NDRG2: variants seen among roughly 807,000 people sequenced by gnomAD.
NDRG2 encodes the protein NDRG family member 2, also known as protein NDRG2.
Under a neutral mutation model 58.2 loss-of-function variants are expected in NDRG2, and 34 were observed. The observed-to-expected ratio is 0.58, with a 90% CI of 0.44 to 0.78. The LOEUF is 0.78. NDRG2 is among the 30% of genes least tolerant of loss of function. NDRG2 has a pLI of 0.00. For missense variants in NDRG2, 434 were observed against 471.2 expected, an observed-to-expected ratio of 0.92 and a Z score of 0.73; for synonymous variants, 187 against 175.9, an observed-to-expected ratio of 1.06 and a Z score of -0.50.
chr14:21,016,982 GCCCCT>G lies in NDRG2; in HGVS notation c.*609_*613del, dbSNP rs1447482305. On this transcript the variant is annotated 3_prime_UTR_variant, in exon 16 of 16. Coordinates refer to ENST00000556147, the MANE Select transcript of NDRG2 (RefSeq NM_001320329.2). ...AGTTAGTGCAGCCAAACGGCCCCAG[GCCCCT>G]TCCTGTTGCCCCAGCACCAATCCTT... 10 of 456,352 alleles carry G rather than the reference GCCCCT, an allele frequency of 2.2e-5. No homozygotes were observed. Among genetic ancestry groups the G allele is most frequent in the Non-Finnish European group, 4.4e-5 (10 of 226,804 alleles). The allele number at this position is 456,352 out of a possible 1,614,324, so 28.3% of individuals were successfully genotyped here.
intron 1 of NDRG2, among the ~76,000 whole-genome samples, chr14:21,037,226 C>T (rs1355829865): frequency 6.6e-6 from 1 of 152,234 alleles, no homozygotes; most frequent in Non-Finnish European, 1.5e-5. Flanking sequence ...GATGAGCCTT[C>T]GGCTTCCCAA....
At position 21,017,690 on chromosome 14, in the gene NDRG2, C is replaced by T. The variant is rs1341697987; in HGVS notation, c.1022G>A (p.Gly341Asp). ...ASLTSAASVD[G>D]NRSRSRTLSQ... is the part of the protein sequence containing the mutation. ...CAGGGTGCGAGAGCGGGACCGGTTG[C>T]CATCAACGGATGCTGCACTGGTCAG... The change falls in exon 16 of 16, where the codon GGC becomes GAC. Residue 341 changes from glycine (G) to aspartate (D), a missense_variant. Gly to Asp is a moderately conservative substitution (Grantham distance 94, BLOSUM62 -1). Coordinates refer to ENST00000556147, the MANE Select transcript of NDRG2 (RefSeq NM_001320329.2). 6.2e-7 allele frequency: 1 copy of T among 1,609,486 alleles called. No individual in the cohort carries two copies. Among genetic ancestry groups the T allele is most frequent in the Non-Finnish European group, 8.5e-7 (1 of 1,177,872 alleles).
chr14:21,023,413 C>A, intron 1 of NDRG2, 92 bp from the exon 2 acceptor site: 1 of 1,201,206 alleles, frequency 8.3e-7, no homozygotes, highest in Non-Finnish European at 1.2e-6. Flanking sequence ...CAGGAAGATG[C>A]AGGGAACAGA....
chr14:21,057,905 A>G, intron 1 of NDRG2: 1 of 1,613,886 alleles, frequency 6.2e-7, no homozygotes, highest in Non-Finnish European at 8.5e-7. Context: ...GGCACCGGCC[A>G]GAGCAGGATG....
In NDRG2 at chr14:21,016,995, G is replaced by A; in HGVS notation, c.*601C>T. 2.2e-6 allele frequency: 1 copy of A among 456,392 alleles called. No individual in the cohort carries two copies. Among genetic ancestry groups the A allele is most frequent in the South Asian group, 1.5e-5 (1 of 64,564 alleles). 28.3% of individuals were successfully genotyped at this position (456,392 alleles called of 1,614,324 possible). A position where few individuals can be genotyped will look rare whatever the true frequency, so the allele number is the denominator to read the frequency against. On this transcript the variant is annotated 3_prime_UTR_variant, in exon 16 of 16. Transcript: ENST00000556147. ...AAACGGCCCCAGGCCCCTTCCTGTT[G>A]CCCCAGCACCAATCCTTCCCCACAC...
At chr14:21,035,809 A>C (rs1326108019) in intron 1 of NDRG2, 4 of 456,134 alleles carry the variant, frequency 8.8e-6, no homozygotes, top group Non-Finnish European at 1.8e-5. Flanking sequence ...CTGGTTACCT[A>C]TGCAAGAAAC....
chr14:21,044,995 A>G (rs763590890), intron 1 of NDRG2, among the ~76,000 whole-genome samples: 2 of 152,216 alleles, frequency 1.3e-5, no homozygotes, highest in Non-Finnish European at 2.9e-5. Flanking sequence ...GAGGAATCCT[A>G]CCTGCCAAAT....
At chr14:21,027,862 A>G (rs1952524), upstream of NDRG2, among the ~76,000 whole-genome samples, 47,135 of 152,030 alleles carry the variant, frequency 0.31, 7,703 homozygotes, top group African/African-American at 0.39. Context: ...CAACCATGGA[A>G]TACTTGAGTG....
At chr14:21,064,308 T>TA (rs202158384) in intron 1 of NDRG2, among the ~76,000 whole-genome samples, 2,622 of 152,160 alleles carry the variant, frequency 0.017, 92 homozygotes, top group African/African-American at 0.06. Context: ...CCTTTTTTTT[T>TA]TTATTATTTT....
At chr14:21,020,380 C>A (rs951272634) in intron 8 of NDRG2, 116 bp downstream of exon 8, 1 of 780,160 alleles carries the variant, frequency 1.3e-6, no homozygotes, top group East Asian at 2.7e-5. Flanking sequence ...TTTCCTGCCC[C>A]TTTACTCCCT....
Position 21,033,883 on chromosome 14 carries a change from G to C in NDRG2, c.25-10562C>G, listed in dbSNP as rs753104359. The C allele has an allele frequency of 1.2e-6, 2 of 1,614,102 alleles. No homozygotes were observed. The highest frequency in any genetic ancestry group is 1.7e-6 in the Non-Finnish European group (2 of 1,179,976). On this transcript the variant is annotated intron_variant, in intron 1 of 14. Coordinates refer to the NDRG2 transcript ENST00000403829. ...GCTTCATACTTGCGGGAGCAGAGTA[G>C]GTAGAGCTTCTGGTTGGTTAGGGTG...
At position 21,070,119 on chromosome 14, in the gene NDRG2, G is replaced by A. The variant is rs1886568582; in HGVS notation, c.24+709C>T. ...CGGGACGGATAGGCTGGGGACGCCC[G>A]GGGAACGGCAGAGATCTCGGCGCGG... On this transcript the variant is annotated intron_variant, in intron 1 of 14. Transcript: ENST00000403829. This position sits in a 1 kb window ranked among gnomAD's most constrained non-coding sequence, Gnocchi z 4.7. Among the ~76,000 whole-genome samples the A allele has an allele frequency of 6.6e-6, 1 of 152,032 alleles. No homozygotes were observed. The highest frequency in any genetic ancestry group is 6.5e-5 in the Admixed American group (1 of 15,286).
At chr14:21,053,081 G>C (rs139945982) in intron 1 of NDRG2, among the ~76,000 whole-genome samples, 1 of 152,318 alleles carries the variant, frequency 6.6e-6, no homozygotes, top group Non-Finnish European at 1.5e-5. Context: ...GGATAATCAG[G>C]TTTTGAGAAA....
Position 21,017,577 on chromosome 14 carries a change from C to G in NDRG2, c.*19G>C, listed in dbSNP as rs1448142745. The G allele has an allele frequency of 1.2e-6, 2 of 1,609,940 alleles. No homozygotes were observed. Among genetic ancestry groups the G allele is most frequent in the Non-Finnish European group, 8.5e-7 (1 of 1,178,086 alleles). ...GGGGAGGTGAGGGCTGGGTCCCACT[C>G]TAGGGCAACAAGGGCCATTCAACAG... On this transcript the variant is annotated 3_prime_UTR_variant, in exon 16 of 16. Transcript: ENST00000556147.
chr14:21,023,462 G>A, intron 1 of NDRG2, 141 bp from the exon 2 acceptor site: 1 of 687,332 alleles, frequency 1.5e-6, no homozygotes, highest in Non-Finnish European at 2.5e-6. Context: ...AACACACAGA[G>A]GGCCTTTCCT....
chr14:21,030,271 G>A (rs571397050), upstream of NDRG2: 21 of 310,000 alleles, frequency 6.8e-5, no homozygotes, highest in African/African-American at 1.3e-4. Flanking sequence ...TACAAAGGCC[G>A]GGAAGGGTCA....
chr14:21,055,881 G>A (rs1339308200), intron 1 of NDRG2, among the ~76,000 whole-genome samples: 1 of 152,192 alleles, frequency 6.6e-6, no homozygotes, highest in Non-Finnish European at 1.5e-5. Context: ...AGTGCAGAGG[G>A]AGGGAAAGAT....
At chr14:21,027,760 G>A (rs1441190528), upstream of NDRG2, among the ~76,000 whole-genome samples, 1 of 152,208 alleles carries the variant, frequency 6.6e-6, no homozygotes, top group Non-Finnish European at 1.5e-5. Context: ...ACGCCAGGAG[G>A]CTGTGGCCCA....
intron 15 of NDRG2, 45 bp from the exon 16 acceptor site, chr14:21,017,807 GA>G: frequency 6.2e-7 from 1 of 1,605,150 alleles, no homozygotes; most frequent in Non-Finnish European, 8.5e-7. Flanking sequence ...AGGAAGTGGG[GA>G]AGGGGGGCTG....
Sources: allele counts gnomAD v4.1 joint callset (sites outside exome capture counted in the v4.1 genomes callset), GRCh38; gene constraint gnomAD v4.1.1; non-coding constraint Gnocchi (gnomAD v3.1); transcripts MANE v1.5; gene names NCBI Gene and HGNC (gene_info 2026-07-23, HGNC 2026-07-21).